Variants in SORCS3 observed in about 807,000 individuals in gnomAD.
SORCS3 encodes the protein sortilin related VPS10 domain containing receptor 3.
SORCS3 carries 57 observed loss-of-function variants against 146.3 expected under a neutral mutation model. The observed-to-expected ratio is 0.39, with a 90% confidence interval of 0.31 to 0.49. The LOEUF (loss-of-function observed/expected upper bound fraction) is 0.49, where lower values mean the gene tolerates loss of function less well. SORCS3 is among the 20% of genes least tolerant of loss of function. The pLI is 0.92. For synonymous variants in SORCS3, 653 were observed against 618.5 expected (o/e 1.06, Z -0.83); for missense variants, 1,341 against 1,575.5 (o/e 0.85, Z 2.52).
At chr10:104,735,456 G>GTTTTTTTTTTTGT (rs2016757842) in intron 1 of SORCS3, among the ~76,000 whole-genome samples, 2 of 34,994 alleles carry the variant, frequency 5.7e-5, no homozygotes, top group African/African-American at 2.5e-4. Context: ...CTCACCGTCT[G>GTTTTTTTTTTTGT]TTTTTTTTTT....
intron 25 of SORCS3, among the ~76,000 whole-genome samples, chr10:105,257,921 G>A (rs943645017): frequency 1.3e-5 from 2 of 152,114 alleles, no homozygotes; most frequent in African/African-American, 4.8e-5. Flanking sequence ...GGAAGCCTGG[G>A]TAAAGTAAAA....
intron 20 of SORCS3, among the ~76,000 whole-genome samples, chr10:105,235,723 G>A (rs1268915220): frequency 3.3e-5 from 5 of 151,984 alleles, no homozygotes; most frequent in Admixed American, 1.3e-4. Context: ...GAGGCAGCAC[G>A]ATATAGTGGA....
chr10:105,061,949 G>T (rs1034447240), intron 5 of SORCS3, among the ~76,000 whole-genome samples: 9 of 152,176 alleles, frequency 5.9e-5, no homozygotes, highest in Admixed American at 2.0e-4. Flanking sequence ...AATTCCCAGA[G>T]AGTGACCCAG....
At chr10:104,852,720 G>A (rs2018286555) in intron 2 of SORCS3, among the ~76,000 whole-genome samples, 1 of 152,188 alleles carries the variant, frequency 6.6e-6, no homozygotes, top group Non-Finnish European at 1.5e-5. Context: ...CTGGCTCAGA[G>A]TGATGAGCGT....
In SORCS3 at chr10:105,214,505, C is replaced by G; in HGVS notation, c.2439C>G (p.Ala813=). The G allele has an allele frequency of 6.2e-7, 1 of 1,614,118 alleles. No homozygotes were observed. The highest frequency in any genetic ancestry group is 1.1e-5 in the South Asian group (1 of 91,072). Residue 813 remains alanine, a synonymous_variant, in exon 18 of 27, where the codon GCC becomes GCG. Transcript: ENST00000369701. ...TAAGGGAGAAGTACACCGCCAAGGCCCAGATGTGCCCTGGAAAAGCCCCTC... is the reference window on the plus strand; with the variant it reads ...TAAGGGAGAAGTACACCGCCAAGGCGCAGATGTGCCCTGGAAAAGCCCCTC... ...DGLREKYTAK[A]QMCPGKAPRG...
At chr10:104,875,396 CA>C (rs1365725913) in intron 2 of SORCS3, among the ~76,000 whole-genome samples, 1 of 152,126 alleles carries the variant, frequency 6.6e-6, no homozygotes, top group Non-Finnish European at 1.5e-5. Flanking sequence ...TGACCATGGA[CA>C]AGTTACTTGT....
intron 7 of SORCS3, among the ~76,000 whole-genome samples, chr10:105,114,780 C>G (rs537002978): frequency 6.6e-6 from 1 of 152,170 alleles, no homozygotes; most frequent in East Asian, 1.9e-4. Context: ...CAGTAATATT[C>G]TATAGACCTG....
At chr10:105,087,487 G>GGAA (rs543721185) in intron 5 of SORCS3, among the ~76,000 whole-genome samples, 13 of 142,222 alleles carry the variant, frequency 9.1e-5, no homozygotes, top group African/African-American at 1.3e-4. Flanking sequence ...TCTCTTCTGG[G>GGAA]AAAAAAAAAA....
At position 105,255,744 on chromosome 10, in the gene SORCS3, C is replaced by G; in HGVS notation, c.3280C>G (p.Gln1094Glu). The G allele has an allele frequency of 6.2e-7, 1 of 1,613,848 alleles. No homozygotes were observed. The highest frequency in any genetic ancestry group is 2.2e-5 in the East Asian group (1 of 44,856). Residue 1094 changes from glutamine to glutamate, a missense_variant, in exon 24 of 27, where the codon CAG becomes GAG. Coordinates refer to ENST00000369701, the MANE Select transcript of SORCS3 (RefSeq NM_014978.3). Reference sequence around the variant, plus strand: ...TAATGCTCTCAACCAAAATTTGGTCCAGTTTGAGCTGAAGCCGGGGGTACA... The same window carrying G: ...TAATGCTCTCAACCAAAATTTGGTCGAGTTTGAGCTGAAGCCGGGGGTACA... ...LFNALNQNLV[Q>E]FELKPGVQVI...
intron 1 of SORCS3, among the ~76,000 whole-genome samples, chr10:104,694,636 A>G (rs1377718957): frequency 3.3e-5 from 5 of 152,052 alleles, no homozygotes; most frequent in Admixed American, 6.5e-5. Context: ...ATCTTGTCTC[A>G]AGGAAGGATG....
intron 16 of SORCS3, among the ~76,000 whole-genome samples, chr10:105,205,460 C>A (rs1328105918): frequency 1.3e-5 from 2 of 152,056 alleles, no homozygotes; most frequent in Admixed American, 1.3e-4. Flanking sequence ...CAAGCGAACC[C>A]TAGAGAGCCA....
At chr10:104,968,916 A>G (rs2054842391) in intron 3 of SORCS3, among the ~76,000 whole-genome samples, 1 of 152,162 alleles carries the variant, frequency 6.6e-6, no homozygotes, top group Non-Finnish European at 1.5e-5. Context: ...GTACTTTCCG[A>G]TTTGACACAG....
intron 1 of SORCS3, among the ~76,000 whole-genome samples, chr10:104,717,332 T>G (rs1484820947): frequency 6.7e-6 from 1 of 148,428 alleles, no homozygotes; most frequent in Non-Finnish European, 1.5e-5. Context: ...AAAGAAAATG[T>G]CAGCATGCAG....
chr10:105,098,907 T>C (rs752380126), intron 6 of SORCS3, among the ~76,000 whole-genome samples: 3 of 152,222 alleles, frequency 2.0e-5, no homozygotes, highest in Non-Finnish European at 4.4e-5. Context: ...TATCTGTAAC[T>C]GCCAGATTGC....
At chr10:104,908,853 C>T (rs1044493042) in intron 2 of SORCS3, among the ~76,000 whole-genome samples, 1 of 152,148 alleles carries the variant, frequency 6.6e-6, no homozygotes, top group Non-Finnish European at 1.5e-5. Context: ...ACAATCTGAA[C>T]ATTGGAGGCA....
Position 105,146,395 on chromosome 10 carries a change from C to A in SORCS3, c.1303-1222C>A, listed in dbSNP as rs553805242. 1.9e-4 allele frequency among the ~76,000 whole-genome samples: 29 copies of A among 151,822 alleles called. No homozygotes were observed. In the South Asian group the frequency reaches 5.8e-3, roughly 31 times the overall value. On this transcript the variant is annotated intron_variant, in intron 8 of 26. Coordinates refer to ENST00000369701, the MANE Select transcript of SORCS3 (RefSeq NM_014978.3). Reference sequence around the variant, plus strand: ...TTTTAATTAAAAAAATAAAAATGATCCAGTCCGGGATTAAAACTAAAGTGA... The same window carrying A: ...TTTTAATTAAAAAAATAAAAATGATACAGTCCGGGATTAAAACTAAAGTGA...
At chr10:104,799,208 G>T (rs147804206) in intron 1 of SORCS3, among the ~76,000 whole-genome samples, 3 of 152,132 alleles carry the variant, frequency 2.0e-5, no homozygotes, top group African/African-American at 7.2e-5. Flanking sequence ...ATACCCAAAG[G>T]ATTATAAATC....
intron 14 of SORCS3, among the ~76,000 whole-genome samples, chr10:105,194,060 G>A (rs1222647071): frequency 1.3e-5 from 2 of 152,072 alleles, no homozygotes; most frequent in Non-Finnish European, 2.9e-5. Context: ...TCTATATAGT[G>A]AGAAATAGCA....
intron 4 of SORCS3, among the ~76,000 whole-genome samples, chr10:104,992,459 G>C (rs1016779822): frequency 4.6e-5 from 7 of 152,198 alleles, no homozygotes; most frequent in African/African-American, 4.8e-5. Context: ...ATTTGAAAAT[G>C]TCAGCAGATC....
Sources: allele counts gnomAD v4.1 joint callset (sites outside exome capture counted in the v4.1 genomes callset), GRCh38; gene constraint gnomAD v4.1.1; transcripts MANE v1.5; gene names NCBI Gene and HGNC (gene_info 2026-07-23, HGNC 2026-07-21).